The following SERPINE2 variants were observed in gnomAD, a reference collection of about 807,000 sequenced individuals.
SERPINE2 encodes the protein serpin family E member 2, also known as glia-derived nexin.
Under a neutral mutation model 36.3 loss-of-function variants are expected in SERPINE2, and 14 were observed. That is an observed-to-expected ratio of 0.39 (90% CI 0.25 to 0.60). The LOEUF is 0.60. SERPINE2 is among the 20% of genes least tolerant of loss of function. SERPINE2 has a pLI of 0.57. For missense variants in SERPINE2, 418 were observed against 499.6 expected (o/e 0.84, Z 1.56); for synonymous variants, 192 against 191.8 (o/e 1.00, Z -0.01).
intron 1 of SERPINE2, among the ~76,000 whole-genome samples, chr2:224,016,483 G>A (rs1046292025): frequency 2.0e-5 from 3 of 147,730 alleles, no homozygotes; most frequent in Non-Finnish European, 4.5e-5. Flanking sequence ...TCCAGCCTGG[G>A]CGACAAGAGC....
At chr2:224,029,984 AGCATAGACATGTCTGGCCCT>A (rs1393415215) in intron 1 of SERPINE2, 1 of 895,952 alleles carries the variant, frequency 1.1e-6, no homozygotes, top group African/African-American at 1.8e-5. Flanking sequence ...GGCGTGAGCC[AGCATAGACATGTCTGGCCCT>A]GCATAGACAT....
intron 1 of SERPINE2, among the ~76,000 whole-genome samples, chr2:224,017,971 T>A (rs1317804598): frequency 6.6e-6 from 1 of 152,216 alleles, no homozygotes. Flanking sequence ...TTAAGACTTG[T>A]GGTCTTTTTT....
intron 2 of SERPINE2, among the ~76,000 whole-genome samples, 186 bp from the exon 3 acceptor site, chr2:223,998,528 G>A (rs889728523): frequency 2.6e-5 from 4 of 152,098 alleles, no homozygotes; most frequent in South Asian, 4.2e-4. Flanking sequence ...GAACAACCTG[G>A]GTAATATGAC....
chr2:224,006,582 A>G (rs1470512050), intron 1 of SERPINE2, among the ~76,000 whole-genome samples: 1 of 152,160 alleles, frequency 6.6e-6, no homozygotes, highest in Non-Finnish European at 1.5e-5. Context: ...TTTCCTCGCA[A>G]GTAGACTGGA....
chr2:224,001,088 T>G lies in SERPINE2; in HGVS notation c.259+554A>C, dbSNP rs537056109. 3.9e-5 allele frequency among the ~76,000 whole-genome samples: 6 copies of G among 152,298 alleles called. No homozygotes were observed. In the South Asian group the frequency reaches 1.0e-3, roughly 26 times the overall value. ...CCGTCGTTGCATCAGGAAATTTCCA[T>G]CAGGTCAGTCCACAGGGTGCATTCA... On this transcript the variant is annotated intron_variant, in intron 2 of 8. Coordinates refer to ENST00000409304, the MANE Select transcript of SERPINE2 (RefSeq NM_001136528.2).
At chr2:223,982,629 C>T (rs1176931604) in intron 6 of SERPINE2, 52 bp downstream of exon 6, 15 of 1,078,056 alleles carry the variant, frequency 1.4e-5, no homozygotes, top group Non-Finnish European at 1.8e-5. Flanking sequence ...AAATCAGTCT[C>T]AGTTTGTAAC....
intron 5 of SERPINE2, among the ~76,000 whole-genome samples, chr2:223,984,121 A>T (rs1690335584): frequency 6.6e-6 from 1 of 152,004 alleles, no homozygotes; most frequent in Non-Finnish European, 1.5e-5. Context: ...GGAAGGCAGC[A>T]ATGTTGAAAA....
chr2:224,030,305 G>C (rs1225725727), intron 1 of SERPINE2: 2 of 835,324 alleles, frequency 2.4e-6, no homozygotes, highest in African/African-American at 3.7e-5. Flanking sequence ...CAAAGACACA[G>C]AGCAAGTCAC....
chr2:223,983,485 C>A (rs6758638), intron 5 of SERPINE2, among the ~76,000 whole-genome samples: 2 of 151,868 alleles, frequency 1.3e-5, no homozygotes, highest in African/African-American at 4.8e-5. Flanking sequence ...GAACTCCTGA[C>A]CTCGTGATCC....
chr2:224,006,864 C>G (rs951629226), intron 1 of SERPINE2, among the ~76,000 whole-genome samples: 7 of 152,214 alleles, frequency 4.6e-5, no homozygotes, highest in Non-Finnish European at 8.8e-5. Flanking sequence ...ATGTTCTGCA[C>G]AGACGCCACC....
At chr2:223,993,772 T>C (rs568032552) in intron 3 of SERPINE2, among the ~76,000 whole-genome samples, 1 of 152,222 alleles carries the variant, frequency 6.6e-6, no homozygotes, top group South Asian at 2.1e-4. Flanking sequence ...TCCCACAGCG[T>C]GCTGCTAAGA....
chr2:223,999,267 C>T (rs902276377), intron 2 of SERPINE2, among the ~76,000 whole-genome samples: 4 of 152,138 alleles, frequency 2.6e-5, no homozygotes, highest in Non-Finnish European at 5.9e-5. Flanking sequence ...TTCATACATG[C>T]TCCATTTAGT....
At chr2:224,009,695 A>G (rs74608753) in intron 1 of SERPINE2, among the ~76,000 whole-genome samples, 1 of 86,436 alleles carries the variant, frequency 1.2e-5, no homozygotes, top group African/African-American at 6.3e-5. Context: ...ACTCTGTCTC[A>G]AAAAAAAAAC....
At chr2:224,010,409 T>C in intron 1 of SERPINE2, 1 of 978,666 alleles carries the variant, frequency 1.0e-6, no homozygotes, top group Non-Finnish European at 1.2e-6. Context: ...GACACATATT[T>C]TATTATAAAG....
At chr2:224,005,065 T>A (rs1348636276) in intron 1 of SERPINE2, among the ~76,000 whole-genome samples, 2 of 33,560 alleles carry the variant, frequency 6.0e-5, no homozygotes, top group Non-Finnish European at 6.4e-5. Context: ...TTTATATATA[T>A]TATATATATA....
At chr2:223,984,152 A>T (rs1690337143) in intron 5 of SERPINE2, among the ~76,000 whole-genome samples, 1 of 152,092 alleles carries the variant, frequency 6.6e-6, no homozygotes, top group Non-Finnish European at 1.5e-5. Context: ...AGGGAACAAC[A>T]TTCATTGCTT....
chr2:223,988,487 C>G (rs1690526087), intron 4 of SERPINE2, among the ~76,000 whole-genome samples: 1 of 152,132 alleles, frequency 6.6e-6, no homozygotes, highest in Non-Finnish European at 1.5e-5. Flanking sequence ...TGAGTTTCAT[C>G]TATGCAACTA....
intron 1 of SERPINE2, among the ~76,000 whole-genome samples, chr2:224,016,455 G>A (rs941410753): frequency 2.0e-5 from 3 of 151,192 alleles, no homozygotes; most frequent in Admixed American, 6.6e-5. Flanking sequence ...GCAGTGAGCC[G>A]AGGTTGTGCT....
At chr2:224,031,567 C>G in intron 1 of SERPINE2, 3 of 927,190 alleles carry the variant, frequency 3.2e-6, no homozygotes, top group Non-Finnish European at 3.9e-6. Context: ...GACCACGTGA[C>G]CTAGCATCAG....
Sources: allele counts gnomAD v4.1 joint callset (sites outside exome capture counted in the v4.1 genomes callset), GRCh38; gene constraint gnomAD v4.1.1; transcripts MANE v1.5; gene names NCBI Gene and HGNC (gene_info 2026-07-23, HGNC 2026-07-21).